Variants in SMOX observed in about 807,000 individuals in gnomAD.
SMOX encodes flavin containing amine oxidase.
SMOX carries 22 observed loss-of-function variants against 51.0 expected under a neutral mutation model. The observed-to-expected ratio is 0.43, with a 90% CI of 0.31 to 0.62. The LOEUF is 0.62. SMOX is among the 20% of genes least tolerant of loss of function. The pLI is 0.10. For missense variants in SMOX, 566 were observed against 777.7 expected (o/e 0.73, Z 3.24); for synonymous variants, 282 against 307.8 (o/e 0.92, Z 0.88).
chr20:4,150,710 C>G (rs1985696471), intron 1 of SMOX, among the ~76,000 whole-genome samples: 1 of 152,150 alleles, frequency 6.6e-6, no homozygotes, highest in Non-Finnish European at 1.5e-5. Context: ...ACCTAACCCC[C>G]CATCTGATGA....
At chr20:4,165,055 T>G (rs1986505737) in intron 1 of SMOX, among the ~76,000 whole-genome samples, 1 of 138,920 alleles carries the variant, frequency 7.2e-6, no homozygotes, top group African/African-American at 2.6e-5. Context: ...AGTTGTTTTT[T>G]TTTTTTTTTT....
chr20:4,161,500 T>G (rs1395410027), intron 1 of SMOX, among the ~76,000 whole-genome samples: 1 of 152,250 alleles, frequency 6.6e-6, no homozygotes. Flanking sequence ...TGATGACCAG[T>G]TGACACAGTT....
chr20:4,165,107 T>G (rs1600806165), intron 1 of SMOX, among the ~76,000 whole-genome samples: 1 of 142,196 alleles, frequency 7.0e-6, no homozygotes, highest in Admixed American at 7.6e-5. Context: ...CAGGCTAGAG[T>G]GCAGTGGGGT....
intron 1 of SMOX, among the ~76,000 whole-genome samples, chr20:4,152,600 C>T (rs1350167358): frequency 6.6e-6 from 1 of 151,858 alleles, no homozygotes; most frequent in Non-Finnish European, 1.5e-5. Flanking sequence ...GCTGGCATGC[C>T]TAGGAAAGAC....
At chr20:4,162,363 G>A (rs186895810) in intron 1 of SMOX, among the ~76,000 whole-genome samples, 176 of 152,318 alleles carry the variant, frequency 1.2e-3, no homozygotes, top group Admixed American at 1.9e-3. Context: ...GTGAGTTCCC[G>A]GAGAGAGAGA....
intron 1 of SMOX, among the ~76,000 whole-genome samples, chr20:4,169,550 G>A (rs985030483): frequency 6.6e-6 from 1 of 152,174 alleles, no homozygotes; most frequent in African/African-American, 2.4e-5. Context: ...CTTGGGCAGG[G>A]GCTCGCCAGT....
chr20:4,182,654 C>A lies in SMOX; in HGVS notation c.1175C>A (p.Ala392Glu), dbSNP rs942313750. ...CTACAGTTTGTGTGGGAGGACGAAG[C>A]AGAGAGCCACACCCTCACCTACCCA... ...NSLQFVWEDEAESHTLTYPPE... is the reference protein window; with the variant it reads ...NSLQFVWEDEEESHTLTYPPE... The change falls in exon 5 of 7, where the codon GCA becomes GAA. Residue 392 changes from alanine to glutamate, a missense_variant. By Grantham distance (107) the Ala-to-Glu change is moderately radical. Transcript: ENST00000305958. This position sits in a 1 kb window ranked among gnomAD's most constrained non-coding sequence, Gnocchi z 8.4. 1.2e-6 allele frequency: 2 copies of A among 1,613,964 alleles called. No individual in the cohort carries two copies. Among genetic ancestry groups the A allele is most frequent in the Non-Finnish European group, 1.7e-6 (2 of 1,180,002 alleles).
intron 1 of SMOX, among the ~76,000 whole-genome samples, chr20:4,150,794 C>G (rs1032826924): frequency 6.6e-6 from 1 of 150,664 alleles, no homozygotes; most frequent in East Asian, 1.9e-4. Flanking sequence ...CAGGCCTTCC[C>G]ATCTCAGTGA....
chr20:4,166,232 G>A lies in SMOX; in HGVS notation c.-26-8798G>A, dbSNP rs1986564244. Among the ~76,000 whole-genome samples, 1 of 152,184 alleles carries A rather than the reference G, an allele frequency of 6.6e-6. No homozygotes were observed. The highest frequency in any genetic ancestry group is 1.5e-5 in the Non-Finnish European group (1 of 68,032). On this transcript the variant is annotated intron_variant, in intron 1 of 6. Coordinates refer to ENST00000305958, the MANE Select transcript of SMOX (RefSeq NM_175839.3). This position sits in a 1 kb window ranked among gnomAD's most constrained non-coding sequence, Gnocchi z 4.2. The stretch of plus-strand genomic sequence containing the variant: ...AGGCTTGGGATGAAGCTGCAGGGGT[G>A]TGGCCTGGGGAAGTAACTGCAGTAC...
chr20:4,161,753 G>A (rs186215404), intron 1 of SMOX, among the ~76,000 whole-genome samples: 3 of 152,306 alleles, frequency 2.0e-5, no homozygotes, highest in Non-Finnish European at 2.9e-5. Context: ...TTAAGGGGAG[G>A]CGTCTGGGTG....
At chr20:4,161,367 C>A (rs954869281) in intron 1 of SMOX, among the ~76,000 whole-genome samples, 1 of 152,188 alleles carries the variant, frequency 6.6e-6, no homozygotes. Context: ...GCTGATAGCC[C>A]GGAGGAGAGA....
intron 1 of SMOX, among the ~76,000 whole-genome samples, chr20:4,168,181 A>C (rs1424586992): frequency 6.6e-6 from 1 of 152,142 alleles, no homozygotes; most frequent in East Asian, 1.9e-4. Flanking sequence ...CTCAGGGACC[A>C]GAAGTCTCCA....
intron 1 of SMOX, among the ~76,000 whole-genome samples, chr20:4,163,196 T>C: frequency 9.0e-6 from 1 of 111,710 alleles, no homozygotes; most frequent in Non-Finnish European, 2.1e-5. Flanking sequence ...ATCATGTAGG[T>C]CCCTAAAAAA....
rs763589123 is a variant in SMOX, at chr20:4,181,884, C to T, written c.517C>T (p.Arg173Ter). 29 of 1,614,014 alleles carry T rather than the reference C, an allele frequency of 1.8e-5. No individual in the cohort carries two copies. The highest frequency in any genetic ancestry group is 2.7e-5 in the African/African-American group (2 of 74,898). The change falls in exon 4 of 7, where the codon CGA becomes TGA. Residue 173 changes from arginine (R) to a stop codon, truncating the protein, a stop_gained. Transcript: ENST00000305958. LOFTEE classifies it high-confidence loss of function. The surrounding 1 kb of genome is among the most constrained non-coding windows in gnomAD (Gnocchi z 5.6). The stretch of plus-strand genomic sequence containing the variant: ...TCAAAATAGCGTGGGGGTGTTCACC[C>T]GAGAGGAGGTGCGTAACCGCATCAG... ...ESQNSVGVFT[R>*]EEVRNRIRND...
At chr20:4,180,632 C>A (rs574210190) in intron 3 of SMOX, among the ~76,000 whole-genome samples, 3 of 152,294 alleles carry the variant, frequency 2.0e-5, no homozygotes, top group African/African-American at 4.8e-5. Context: ...TGCCCTGGAC[C>A]CTGCCTGCCC....
intron 1 of SMOX, among the ~76,000 whole-genome samples, chr20:4,158,931 G>A (rs182373395): frequency 6.6e-6 from 1 of 151,920 alleles, no homozygotes; most frequent in Non-Finnish European, 1.5e-5. Flanking sequence ...CCACCAAGGG[G>A]CATATATTCT....
In SMOX at chr20:4,183,776, A is replaced by G. The variant is rs1979533857; in HGVS notation, c.1530+122A>G. The G allele has an allele frequency of 8.7e-7, 1 of 1,149,572 alleles. No homozygotes were observed. The highest frequency in any genetic ancestry group is 1.2e-6 in the Non-Finnish European group (1 of 859,638). The allele number at this position is 1,149,572 out of a possible 1,614,324, so 71.2% of individuals were successfully genotyped here. ...GGGTGCTCAGGTGAGGCAGGGATGGAGTAGCTTCTGTAATGAGAGAGAACA... is the reference window on the plus strand; with the variant it reads ...GGGTGCTCAGGTGAGGCAGGGATGGGGTAGCTTCTGTAATGAGAGAGAACA... On this transcript the variant is annotated intron_variant, in intron 6 of 6. Transcript: ENST00000305958. This position sits in a 1 kb window ranked among gnomAD's most constrained non-coding sequence, Gnocchi z 4.3.
At position 4,170,485 on chromosome 20, in the gene SMOX, G is replaced by A. The variant is rs956614450; in HGVS notation, c.-26-4545G>A. Among the ~76,000 whole-genome samples the A allele has an allele frequency of 6.6e-6, 1 of 150,828 alleles. No homozygotes were observed. Among genetic ancestry groups the A allele is most frequent in the African/African-American group, 2.4e-5 (1 of 41,040 alleles). On this transcript the variant is annotated intron_variant, in intron 1 of 6. Coordinates refer to ENST00000305958, the MANE Select transcript of SMOX (RefSeq NM_175839.3). This position sits in a 1 kb window ranked among gnomAD's most constrained non-coding sequence, Gnocchi z 4.6. ...TAAATTTCTTCACTTTTTTTTTTCT[G>A]AGACAGGGTCTCACTCTGTTGCCCA... is the stretch of plus-strand genomic sequence containing the variant.
intron 1 of SMOX, among the ~76,000 whole-genome samples, chr20:4,161,326 G>A (rs1405312683): frequency 6.6e-6 from 1 of 152,172 alleles, no homozygotes; most frequent in African/African-American, 2.4e-5. Context: ...CCCTGTGATG[G>A]CAGGCGGCTT....
Sources: gnomAD v4.1 joint callset for allele counts (sites outside exome capture counted in the v4.1 genomes callset) on GRCh38, gnomAD v4.1.1 for gene constraint, Gnocchi (gnomAD v3.1) non-coding constraint, MANE v1.5 for transcripts, NCBI Gene and HGNC (gene_info 2026-07-23, HGNC 2026-07-21) for gene names.